The following DSCAML1 variants were observed in gnomAD, a reference collection of about 807,000 sequenced individuals.
DSCAML1 encodes the protein cell adhesion molecule DSCAML1.
DSCAML1 carries 38 observed loss-of-function variants against 200.5 expected under a neutral mutation model. The observed-to-expected ratio is 0.19, with a 90% CI of 0.15 to 0.25. The LOEUF (loss-of-function observed/expected upper bound fraction) is 0.25. Ranked by LOEUF, DSCAML1 falls within the 10% of genes least tolerant of loss-of-function variation. The probability of loss-of-function intolerance (pLI) is 1.00; values close to 1 mark genes in which losing one functional copy is unlikely to be tolerated. For missense variants in DSCAML1, 2,223 were observed against 2,858.8 expected (o/e 0.78, Z 5.07); for synonymous variants, 1,215 against 1,165.0 (o/e 1.04, Z -0.87).
chr11:117,500,070 A>G (rs2049367589), intron 11 of DSCAML1, among the ~76,000 whole-genome samples: 1 of 152,252 alleles, frequency 6.6e-6, no homozygotes, highest in African/African-American at 2.4e-5. Flanking sequence ...AACATAGGAC[A>G]GTCACAGGCC....
chr11:117,559,371 C>T (rs920208811), intron 3 of DSCAML1, among the ~76,000 whole-genome samples: 5 of 152,290 alleles, frequency 3.3e-5, no homozygotes, highest in South Asian at 2.1e-4. Flanking sequence ...TTAGACAAAG[C>T]CTCACTTTCG....
chr11:117,628,416 T>C (rs2052100615), intron 3 of DSCAML1, among the ~76,000 whole-genome samples: 1 of 152,214 alleles, frequency 6.6e-6, no homozygotes, highest in African/African-American at 2.4e-5. Context: ...CTGCCCGACC[T>C]CCTCGTGCAG....
chr11:117,605,931 G>A (rs1285207145), intron 3 of DSCAML1, among the ~76,000 whole-genome samples: 1 of 152,160 alleles, frequency 6.6e-6, no homozygotes, highest in African/African-American at 2.4e-5. Flanking sequence ...ATGGGTTGGA[G>A]ATGGGGTGTA....
At chr11:117,646,602 T>C (rs1421398225) in intron 3 of DSCAML1, among the ~76,000 whole-genome samples, 1 of 151,980 alleles carries the variant, frequency 6.6e-6, no homozygotes, top group Non-Finnish European at 1.5e-5. Flanking sequence ...TGTGTGGGAG[T>C]CCCTCAGACC....
chr11:117,508,018 C>G (rs1374757873), intron 8 of DSCAML1, among the ~76,000 whole-genome samples: 2 of 152,172 alleles, frequency 1.3e-5, no homozygotes, highest in East Asian at 3.9e-4. Flanking sequence ...TGCTGACCCC[C>G]CTCCTAGTTG....
intron 1 of DSCAML1, among the ~76,000 whole-genome samples, chr11:117,809,867 ACATT>A (rs1366801525): frequency 6.6e-6 from 1 of 151,798 alleles, no homozygotes; most frequent in East Asian, 1.9e-4. Context: ...ACTCACTTAC[ACATT>A]CACATACTCT....
chr11:117,561,975 G>C (rs1202181575), intron 3 of DSCAML1, among the ~76,000 whole-genome samples: 1 of 152,214 alleles, frequency 6.6e-6, no homozygotes, highest in Admixed American at 6.5e-5. Context: ...TATGAGCATA[G>C]AAGTCCAGGA....
At chr11:117,527,033 C>A (rs1402547043) in intron 4 of DSCAML1, among the ~76,000 whole-genome samples, 1 of 151,756 alleles carries the variant, frequency 6.6e-6, no homozygotes, top group African/African-American at 2.4e-5. Flanking sequence ...TGTGGTGGCA[C>A]AAGCCTGTGG....
intron 11 of DSCAML1, among the ~76,000 whole-genome samples, chr11:117,500,217 G>C (rs769188527): frequency 2.0e-5 from 3 of 152,144 alleles, no homozygotes; most frequent in East Asian, 1.9e-4. Context: ...TTCTTGACAC[G>C]TGCTTCTTCA....
Position 117,723,869 on chromosome 11 carries a change from C to A in DSCAML1, c.511+52922G>T, listed in dbSNP as rs565329362. ...CAGAAGACACACCTATGTGGCTCAA[C>A]CACGTCGTCTCCTCCCACCTCTGTA... is the stretch of plus-strand genomic sequence containing the variant. On this transcript the variant is annotated intron_variant, in intron 3 of 32. Transcript: ENST00000651296. Among the ~76,000 whole-genome samples the A allele has an allele frequency of 2.0e-4, 31 of 152,354 alleles. 1 individual carries two copies. The South Asian group carries it at 6.2e-3, about 31-fold the overall frequency.
chr11:117,771,968 C>A (rs1469843998), intron 3 of DSCAML1, among the ~76,000 whole-genome samples: 1 of 152,062 alleles, frequency 6.6e-6, no homozygotes, highest in Non-Finnish European at 1.5e-5. Flanking sequence ...CACCCTCCTG[C>A]GGCAGACAGA....
chr11:117,701,614 G>A (rs568548839), intron 3 of DSCAML1, among the ~76,000 whole-genome samples: 2 of 152,148 alleles, frequency 1.3e-5, no homozygotes, highest in East Asian at 1.9e-4. Context: ...AGCGCGGGGT[G>A]GGGGAGGCCT....
rs894825976 is a variant in DSCAML1, at chr11:117,764,723, G to A, written c.511+12068C>T. On this transcript the variant is annotated intron_variant, in intron 3 of 32. Transcript: ENST00000651296. ...CTGGGGTACAACCATGCTCCATCAG[G>A]CTTTGCAAAATGGCTTTCCTAGGCC... Among the ~76,000 whole-genome samples, 13 of 152,180 alleles carry A rather than the reference G, an allele frequency of 8.5e-5. No individual in the cohort carries two copies. The East Asian group carries it at 2.5e-3, about 29-fold the overall frequency.
Position 117,667,336 on chromosome 11 carries a change from C to T in DSCAML1, c.511+109455G>A, listed in dbSNP as rs140333673. 3.1e-3 allele frequency among the ~76,000 whole-genome samples: 479 copies of T among 152,270 alleles called. 2 individuals are homozygous for T. Among genetic ancestry groups the T allele is most frequent in the African/African-American group, 0.011 (446 of 41,554 alleles). ...TTGAGGCACGATAATTGCTTGAACCCGGGAGGCAGAGGTTGTAGTGAGCCA... is the reference window on the plus strand; with the variant it reads ...TTGAGGCACGATAATTGCTTGAACCTGGGAGGCAGAGGTTGTAGTGAGCCA... On this transcript the variant is annotated intron_variant, in intron 3 of 32. Coordinates refer to ENST00000651296, the MANE Select transcript of DSCAML1 (RefSeq NM_020693.4).
intron 32 of DSCAML1, among the ~76,000 whole-genome samples, chr11:117,429,220 T>A (rs898349265): frequency 3.3e-5 from 5 of 152,148 alleles, no homozygotes; most frequent in Non-Finnish European, 5.9e-5. Flanking sequence ...AAGCTTTTCT[T>A]TACCCTGAGG....
chr11:117,636,267 T>C (rs2052280918), intron 3 of DSCAML1, among the ~76,000 whole-genome samples: 2 of 152,136 alleles, frequency 1.3e-5, no homozygotes, highest in Non-Finnish European at 2.9e-5. Flanking sequence ...ATTTGGGGAA[T>C]AGGTGAGTAT....
Position 117,432,452 on chromosome 11 carries a change from G to A in DSCAML1, c.5079C>T (p.Val1693=), listed in dbSNP as rs777876357. 4.9e-5 allele frequency: 79 copies of A among 1,614,082 alleles called. No individual in the cohort carries two copies. The highest frequency in any genetic ancestry group is 2.0e-5 in the Non-Finnish European group (24 of 1,180,046). The part of the protein sequence containing the change: ...PVTDAEFSQA[V]NPQSFCTGVS... ...CGCCAGTACAGAAGCTCTGTGGGTT[G>A]ACAGCTTGGCTGAACTCAGCATCTG... Residue 1693 remains valine (V), a synonymous_variant, in exon 30 of 33, where the codon GTC becomes GTT. Transcript: ENST00000651296.
intron 3 of DSCAML1, among the ~76,000 whole-genome samples, chr11:117,541,274 C>T (rs1013454740): frequency 3.9e-5 from 6 of 152,352 alleles, no homozygotes; most frequent in East Asian, 1.9e-4. Flanking sequence ...CTGTGTCCCT[C>T]GTCCCTGCCC....
chr11:117,508,548 G>T (rs1413843533), intron 8 of DSCAML1, among the ~76,000 whole-genome samples: 2 of 151,734 alleles, frequency 1.3e-5, no homozygotes, highest in African/African-American at 4.8e-5. Flanking sequence ...GAATAAGAGG[G>T]GGGGTCTGTG....
Sources: allele counts gnomAD v4.1 joint callset (sites outside exome capture counted in the v4.1 genomes callset), GRCh38; gene constraint gnomAD v4.1.1; transcripts MANE v1.5; gene names NCBI Gene and HGNC (gene_info 2026-07-23, HGNC 2026-07-21).